Variants in PRKDC observed in about 807,000 individuals in gnomAD.
PRKDC encodes the protein protein kinase, DNA-activated, catalytic subunit.
Under a neutral mutation model 486.9 loss-of-function variants are expected in PRKDC, and 82 were observed. That is an observed-to-expected ratio of 0.17 (90% CI 0.14 to 0.20). The LOEUF (loss-of-function observed/expected upper bound fraction) is 0.20, where lower values mean the gene tolerates loss of function less well. Ranked by LOEUF, PRKDC falls within the 10% of genes least tolerant of loss-of-function variation. The probability of loss-of-function intolerance (pLI) is 1.00; values close to 1 mark genes in which losing one functional copy is unlikely to be tolerated. For synonymous variants in PRKDC, 1,895 were observed against 1,837.0 expected, an observed-to-expected ratio of 1.03 and a Z score of -0.81; for missense variants, 4,504 against 5,038.2, an observed-to-expected ratio of 0.89 and a Z score of 3.21.
intron 11 of PRKDC, 60 bp downstream of exon 11, chr8:47,939,491 A>C (rs2090405397): frequency 2.6e-6 from 4 of 1,540,088 alleles, no homozygotes; most frequent in Admixed American, 3.5e-5. Context: ...GCAATGAATT[A>C]GATTCCTTTA....
chr8:47,837,198 GA>G lies in PRKDC; in HGVS notation c.7761+13del, dbSNP rs779665783. On this transcript the variant is annotated intron_variant, in intron 57 of 85. Transcript: ENST00000314191. ...CTATAATATTCACTACTATGAGAGA[GA>G]AGACCACATTACCTGAAATTCGCAT... 6.2e-7 allele frequency: 1 copy of G among 1,602,004 alleles called. No homozygotes were observed. Among genetic ancestry groups the G allele is most frequent in the South Asian group, 1.1e-5 (1 of 90,292 alleles).
In PRKDC at chr8:47,836,160, T is replaced by G. The variant is rs1485814383; in HGVS notation, c.7951+178A>C. 2.0e-5 allele frequency among the ~76,000 whole-genome samples: 3 copies of G among 151,968 alleles called. No individual in the cohort carries two copies. In the East Asian group the frequency reaches 6.1e-4, roughly 31 times the overall value. ...TGGCACCTGGCACTCTACTTTCTGT[T>G]TCCATGAGTTTGACTGTTATAGGAA... On this transcript the variant is annotated intron_variant, in intron 58 of 85. Coordinates refer to ENST00000314191, the MANE Select transcript of PRKDC (RefSeq NM_006904.7).
At chr8:47,942,956 A>G (rs941005853) in intron 10 of PRKDC, among the ~76,000 whole-genome samples, 8 of 151,818 alleles carry the variant, frequency 5.3e-5, no homozygotes, top group Non-Finnish European at 7.4e-5. Context: ...TCCGGCCATC[A>G]CCTCACCACG....
At chr8:47,815,591 C>T (rs2087426303) in intron 68 of PRKDC, among the ~76,000 whole-genome samples, 1 of 152,082 alleles carries the variant, frequency 6.6e-6, no homozygotes, top group South Asian at 2.1e-4. Context: ...AGGTTATATC[C>T]CACTAAATAA....
At chr8:47,837,484 C>CAGGGT (rs1447309081) in intron 56 of PRKDC, 65 bp from the exon 57 acceptor site, 53 of 1,317,784 alleles carry the variant, frequency 4.0e-5, no homozygotes, top group Non-Finnish European at 5.2e-5. Flanking sequence ...ATGTGCTGTA[C>CAGGGT]AGGGTGTCCT....
intron 11 of PRKDC, among the ~76,000 whole-genome samples, chr8:47,936,997 T>TA (rs1487323469): frequency 6.7e-6 from 1 of 148,384 alleles, no homozygotes; most frequent in Non-Finnish European, 1.5e-5. Flanking sequence ...CCCATGCCTG[T>TA]AATCCCAGCA....
In PRKDC at chr8:47,902,709, T is replaced by G. The variant is rs768948395; in HGVS notation, c.3129A>C (p.Gln1043His). 2.5e-6 allele frequency: 4 copies of G among 1,613,840 alleles called. No homozygotes were observed. The highest frequency in any genetic ancestry group is 3.4e-6 in the Non-Finnish European group (4 of 1,179,856). Residue 1043 changes from glutamine to histidine, a missense_variant, in exon 27 of 86, where the codon CAA becomes CAC. Gln to His is a conservative substitution (Grantham distance 24, BLOSUM62 0). Around this residue, in one of 6 missense-constraint regions of PRKDC, gnomAD observed 1,969 missense variants for 2,068.9 expected, o/e 0.95. Coordinates refer to ENST00000314191, the MANE Select transcript of PRKDC (RefSeq NM_006904.7). ...IREFLKWSIKQITPQQQEKSP... is the reference protein window; with the variant it reads ...IREFLKWSIKHITPQQQEKSP... The stretch of plus-strand genomic sequence containing the variant: ...TCTTCTCCTGCTGCTGTGGTGTTAT[T>G]TGCTTAATGGACCATTTAAGGAATT...
At chr8:47,842,915 A>G (rs2088180705) in intron 54 of PRKDC, among the ~76,000 whole-genome samples, 3 of 152,194 alleles carry the variant, frequency 2.0e-5, no homozygotes, top group Admixed American at 1.3e-4. Context: ...TGTAATCCCC[A>G]CCACTTTGGG....
chr8:47,956,372 A>G (rs1483749175), intron 3 of PRKDC, among the ~76,000 whole-genome samples: 1 of 151,760 alleles, frequency 6.6e-6, no homozygotes, highest in Non-Finnish European at 1.5e-5. Context: ...TCACGCCTAT[A>G]ATCCCTTTGA....
chr8:47,863,011 G>C (rs770122615), intron 42 of PRKDC, among the ~76,000 whole-genome samples: 1 of 152,132 alleles, frequency 6.6e-6, no homozygotes, highest in Non-Finnish European at 1.5e-5. Flanking sequence ...GATTACTTTT[G>C]TATTGTTTAG....
At chr8:47,783,278 CAAAAAAAAAAAAGAAA>C (rs2086728374) in intron 78 of PRKDC, among the ~76,000 whole-genome samples, 1 of 56,200 alleles carries the variant, frequency 1.8e-5, no homozygotes, top group Admixed American at 2.1e-4. Context: ...ACTCTTGTCT[CAAAAAAAAAAAAGAAA>C]AAAAAAAAAA....
chr8:47,824,764 T>C (rs1430261852), intron 63 of PRKDC, among the ~76,000 whole-genome samples: 1 of 152,206 alleles, frequency 6.6e-6, no homozygotes, highest in Non-Finnish European at 1.5e-5. Flanking sequence ...AGCTTCCCAG[T>C]CCATGATATT....
chr8:47,862,314 TATA>T, intron 43 of PRKDC, 56 bp downstream of exon 43: 1 of 1,516,948 alleles, frequency 6.6e-7, no homozygotes, highest in Middle Eastern at 1.7e-4. Flanking sequence ...GTTTGACTGA[TATA>T]ATCTAACTTT....
At chr8:47,806,358 C>T (rs2087215393) in intron 69 of PRKDC, among the ~76,000 whole-genome samples, 2 of 152,232 alleles carry the variant, frequency 1.3e-5, no homozygotes, top group Admixed American at 6.5e-5. Context: ...CCCCTTCTGG[C>T]CACACCCTGC....
intron 77 of PRKDC, 90 bp downstream of exon 77, chr8:47,785,023 C>A: frequency 8.2e-7 from 1 of 1,212,772 alleles, no homozygotes; most frequent in Admixed American, 2.2e-5. Context: ...CTGTCAATAT[C>A]CCAGTATCAC....
At chr8:47,928,299 G>A (rs1284686922) in intron 19 of PRKDC, among the ~76,000 whole-genome samples, 3 of 151,436 alleles carry the variant, frequency 2.0e-5, no homozygotes, top group Non-Finnish European at 4.4e-5. Flanking sequence ...TTACAGGCAT[G>A]TACAACCACA....
intron 11 of PRKDC, among the ~76,000 whole-genome samples, chr8:47,938,544 G>C (rs1038777570): frequency 6.6e-6 from 1 of 152,024 alleles, no homozygotes; most frequent in Admixed American, 6.6e-5. Flanking sequence ...AAATAACTAG[G>C]GTTATTCTCA....
At chr8:47,870,423 T>C (rs1187069505) in intron 40 of PRKDC, among the ~76,000 whole-genome samples, 3 of 152,186 alleles carry the variant, frequency 2.0e-5, no homozygotes, top group Non-Finnish European at 4.4e-5. Context: ...TTTTCCAAGA[T>C]TGTACCAAGA....
At chr8:47,819,073 C>T (rs1178782882) in intron 67 of PRKDC, among the ~76,000 whole-genome samples, 2 of 152,180 alleles carry the variant, frequency 1.3e-5, no homozygotes, top group Non-Finnish European at 2.9e-5. Flanking sequence ...CAGGACCCTC[C>T]TCCAGGAGTC....
Sources: allele counts gnomAD v4.1 joint callset (sites outside exome capture counted in the v4.1 genomes callset), GRCh38; gene constraint gnomAD v4.1.1; regional missense constraint gnomAD v4.1.1; transcripts MANE v1.5; gene names NCBI Gene and HGNC (gene_info 2026-07-23, HGNC 2026-07-21).